The following MYO16 variants were observed in gnomAD, a reference collection of about 807,000 sequenced individuals.
The protein encoded by MYO16 is unconventional myosin-XVI.
Under a neutral mutation model 205.3 loss-of-function variants are expected in MYO16, and 94 were observed. The observed-to-expected ratio is 0.46, with a 90% CI of 0.39 to 0.54. MYO16 has a LOEUF of 0.54. Among genes scored for constraint, MYO16 ranks in the 20% least tolerant of loss-of-function variants. The pLI is 0.00. For synonymous variants in MYO16, 988 were observed against 954.0 expected (o/e 1.04, Z -0.66); for missense variants, 2,315 against 2,387.5 (o/e 0.97, Z 0.63).
At chr13:109,114,297 C>G (rs1034474975) in intron 28 of MYO16, among the ~76,000 whole-genome samples, 25 of 152,182 alleles carry the variant, frequency 1.6e-4, no homozygotes, top group African/African-American at 5.6e-4. Flanking sequence ...CCATCCCAAC[C>G]CACTGGAACA....
chr13:108,951,657 T>C (rs2139340930), intron 16 of MYO16, among the ~76,000 whole-genome samples: 1 of 152,184 alleles, frequency 6.6e-6, no homozygotes, highest in South Asian at 2.1e-4. Context: ...TAATAATTGG[T>C]TAAAATTTGG....
chr13:108,944,211 AAAAT>A (rs1341792362), intron 16 of MYO16, among the ~76,000 whole-genome samples: 11 of 152,214 alleles, frequency 7.2e-5, no homozygotes, highest in African/African-American at 2.7e-4. Flanking sequence ...AGATAAAAAA[AAAAT>A]AATATTAGGT....
At chr13:108,886,576 A>G (rs1879899989) in intron 13 of MYO16, 1 of 442,740 alleles carries the variant, frequency 2.3e-6, no homozygotes, top group African/African-American at 2.0e-5. Flanking sequence ...TTAGGGCGCA[A>G]ACTGCTGGCG....
At chr13:109,022,950 C>G (rs1053835184) in intron 23 of MYO16, among the ~76,000 whole-genome samples, 7 of 131,062 alleles carry the variant, frequency 5.3e-5, no homozygotes, top group African/African-American at 2.0e-4. Flanking sequence ...TATATGTATA[C>G]ATTTATATAT....
At chr13:108,632,820 C>A (rs1880048423) in intron 1 of MYO16, among the ~76,000 whole-genome samples, 1 of 152,062 alleles carries the variant, frequency 6.6e-6, no homozygotes, top group Non-Finnish European at 1.5e-5. Context: ...TGAACATGAC[C>A]AGGCCCCAGC....
intron 16 of MYO16, among the ~76,000 whole-genome samples, chr13:108,939,066 C>T (rs530998532): frequency 5.9e-5 from 9 of 152,218 alleles, no homozygotes; most frequent in Non-Finnish European, 1.2e-4. Context: ...GGCCTTTACC[C>T]CACTCCAGAG....
rs573794298 is a variant in MYO16, at chr13:108,930,348, A to G, written c.1925+20198A>G. 2.6e-5 allele frequency among the ~76,000 whole-genome samples: 4 copies of G among 152,294 alleles called. No homozygotes were observed. In the South Asian group the frequency reaches 6.2e-4, roughly 24 times the overall value. On this transcript the variant is annotated intron_variant, in intron 16 of 34. Coordinates refer to ENST00000457511, the MANE Select transcript of MYO16 (RefSeq NM_001198950.3). ...TTTAATTAAAAAATCCAGCATATCT[A>G]TGACACCATGAAATGAAGAGATATA...
At position 109,047,038 on chromosome 13, in the gene MYO16, A is replaced by C. The variant is rs2303966; in HGVS notation, c.2872+47A>C. Reference sequence around the variant, plus strand: ...CCCTACACTGGTTAAAATGCCATGCATCCGTTATTTCTTTATCTCTGAATA... The same window carrying C: ...CCCTACACTGGTTAAAATGCCATGCCTCCGTTATTTCTTTATCTCTGAATA... On this transcript the variant is annotated intron_variant, in intron 24 of 34. Transcript: ENST00000457511. The C allele has an allele frequency of 1.2e-4, 161 of 1,324,376 alleles. 2 individuals are homozygous for C. In the East Asian group the frequency reaches 3.7e-3, roughly 30 times the overall value. 82.0% of individuals were successfully genotyped at this position (1,324,376 alleles called of 1,614,324 possible).
At chr13:108,736,351 T>C (rs546936471) in intron 4 of MYO16, among the ~76,000 whole-genome samples, 1 of 152,318 alleles carries the variant, frequency 6.6e-6, no homozygotes, top group East Asian at 1.9e-4. Context: ...CAGTTTCAGC[T>C]TTCTATGTAT....
chr13:108,594,692 T>G (rs1345965226), upstream of MYO16, among the ~76,000 whole-genome samples: 1 of 152,242 alleles, frequency 6.6e-6, no homozygotes, highest in Non-Finnish European at 1.5e-5. Context: ...GACACTTCTT[T>G]GCATCCTTTG....
Position 108,630,814 on chromosome 13 carries a change from T to A in MYO16, c.28+942T>A, listed in dbSNP as rs188383795. Among the ~76,000 whole-genome samples, 385 of 152,330 alleles carry A rather than the reference T, an allele frequency of 2.5e-3. 2 individuals are homozygous for A. Among genetic ancestry groups the A allele is most frequent in the African/African-American group, 8.8e-3 (365 of 41,574 alleles). ...TTTGCACTAAAGGAGACTAAAAAAA[T>A]AATGATGATTGAGAAGGTGAAAATA... On this transcript the variant is annotated intron_variant, in intron 1 of 34. Transcript: ENST00000457511.
At chr13:109,115,466 A>T (rs776562509) in intron 28 of MYO16, among the ~76,000 whole-genome samples, 5 of 152,108 alleles carry the variant, frequency 3.3e-5, no homozygotes, top group Non-Finnish European at 7.4e-5. Flanking sequence ...AGCTAGGAAC[A>T]CTCTGCATCT....
At position 108,629,896 on chromosome 13, in the gene MYO16, C is replaced by T. The variant is rs555137696; in HGVS notation, c.28+24C>T. On this transcript the variant is annotated intron_variant, in intron 1 of 34. Coordinates refer to ENST00000457511, the MANE Select transcript of MYO16 (RefSeq NM_001198950.3). ...CTGTAAGTAAGCTTGATATCTTGCT[C>T]ATGTGGTTATTTGTCTTGTTGAAGT... 3.2e-5 allele frequency: 49 copies of T among 1,515,836 alleles called. No individual in the cohort carries two copies. The African/African-American group carries it at 4.1e-4, about 13-fold the overall frequency. 93.9% of individuals were successfully genotyped at this position (1,515,836 alleles called of 1,614,324 possible).
chr13:109,122,653 C>T (rs1405821672), intron 29 of MYO16, among the ~76,000 whole-genome samples: 1 of 149,096 alleles, frequency 6.7e-6, no homozygotes, highest in Non-Finnish European at 1.5e-5. Flanking sequence ...TGCCATTGCA[C>T]TCCAGCCTGG....
the MYO16 span, among the ~76,000 whole-genome samples, chr13:108,582,888 C>G: frequency 6.6e-6 from 1 of 152,092 alleles, no homozygotes; most frequent in Non-Finnish European, 1.5e-5. Context: ...TTGCTGACCT[C>G]TTAGGATTAT....
intron 12 of MYO16, among the ~76,000 whole-genome samples, chr13:108,882,823 A>G (rs1344048428): frequency 6.6e-6 from 1 of 152,222 alleles, no homozygotes; most frequent in Non-Finnish European, 1.5e-5. Flanking sequence ...CAGAATAATT[A>G]AAGCCTGTGG....
intron 14 of MYO16, among the ~76,000 whole-genome samples, chr13:108,891,659 G>C (rs553657232): frequency 6.6e-6 from 1 of 152,300 alleles, no homozygotes; most frequent in Non-Finnish European, 1.5e-5. Flanking sequence ...TTTCCACGGA[G>C]GTGCCTCTGA....
chr13:109,070,213 A>G (rs535022569), intron 27 of MYO16, among the ~76,000 whole-genome samples: 68 of 152,302 alleles, frequency 4.5e-4, no homozygotes, highest in African/African-American at 1.6e-3. Context: ...CAGTCATCCT[A>G]TCTTTATACT....
At chr13:108,662,219 T>G (rs1235029679) in intron 1 of MYO16, among the ~76,000 whole-genome samples, 3 of 152,210 alleles carry the variant, frequency 2.0e-5, no homozygotes, top group Admixed American at 2.0e-4. Context: ...ATAAGTGTCC[T>G]TGGCTTTGGT....
Sources: gnomAD v4.1 joint callset for allele counts (sites outside exome capture counted in the v4.1 genomes callset) on GRCh38, gnomAD v4.1.1 for gene constraint, MANE v1.5 for transcripts, NCBI Gene and HGNC (gene_info 2026-07-23, HGNC 2026-07-21) for gene names.